Variants in KCNQ1 observed in about 807,000 individuals in gnomAD.
The protein encoded by KCNQ1 is potassium voltage-gated channel subfamily KQT member 1.
Under a neutral mutation model 72.4 loss-of-function variants are expected in KCNQ1, and 49 were observed. That is an observed-to-expected ratio of 0.68 (90% confidence interval 0.54 to 0.86). The LOEUF (loss-of-function observed/expected upper bound fraction) is 0.86, where lower values mean the gene tolerates loss of function less well. KCNQ1 is among the 40% of genes least tolerant of loss of function. The pLI is 0.00. For synonymous variants in KCNQ1, 450 were observed against 412.6 expected, an observed-to-expected ratio of 1.09 and a Z score of -1.10; for missense variants, 790 against 945.1, an observed-to-expected ratio of 0.84 and a Z score of 2.15.
At chr11:2,460,922 T>G (rs1846268459) in intron 1 of KCNQ1, among the ~76,000 whole-genome samples, 1 of 152,204 alleles carries the variant, frequency 6.6e-6, no homozygotes, top group South Asian at 2.1e-4. Flanking sequence ...CGGTCTTGTC[T>G]GCTGCATGGG....
rs953974306 is a variant in KCNQ1, at chr11:2,762,686, G to T, written c.1515-6158G>T. ...AGATCAGTGGTGGCATTAGATTCTC[G>T]CAGGAGCGCGAACCCTGTTGTGAAT... is the stretch of plus-strand genomic sequence containing the variant. On this transcript the variant is annotated intron_variant, in intron 11 of 15. Transcript: ENST00000155840. The surrounding 1 kb of genome is among the most constrained non-coding windows in gnomAD (Gnocchi z 4.3). Among the ~76,000 whole-genome samples the T allele has an allele frequency of 2.0e-5, 3 of 152,210 alleles. No individual in the cohort carries two copies. Among genetic ancestry groups the T allele is most frequent in the Non-Finnish European group, 2.9e-5 (2 of 68,040 alleles).
At chr11:2,694,327 G>A (rs1477843742) in intron 11 of KCNQ1, 2 of 398,656 alleles carry the variant, frequency 5.0e-6, no homozygotes, top group Admixed American at 4.4e-5. Context: ...TGTCATCTGC[G>A]GTGCCCCCCA....
At chr11:2,810,952 G>A (rs1176313989) in intron 15 of KCNQ1, among the ~76,000 whole-genome samples, 3 of 152,322 alleles carry the variant, frequency 2.0e-5, no homozygotes, top group Non-Finnish European at 2.9e-5. Flanking sequence ...CCTTCCCATC[G>A]TCTTGGTGCT....
chr11:2,780,475 G>T (rs1021112541), intron 15 of KCNQ1, among the ~76,000 whole-genome samples: 3 of 152,212 alleles, frequency 2.0e-5, no homozygotes, highest in Non-Finnish European at 4.4e-5. Context: ...ACCCCAGCCA[G>T]AGCCCCTGGC....
In KCNQ1 at chr11:2,602,655, A is replaced by G. The variant is rs1305047587; in HGVS notation, c.1393+13801A>G. ...GTAGTGAGATCTCATTGTGGTTTAC[A>G]TTTACATTTCCTCATTAGGATGATA... On this transcript the variant is annotated intron_variant, in intron 10 of 15. Coordinates refer to ENST00000155840, the MANE Select transcript of KCNQ1 (RefSeq NM_000218.3). The surrounding 1 kb of genome is among the most constrained non-coding windows in gnomAD (Gnocchi z 4.8). Among the ~76,000 whole-genome samples the G allele has an allele frequency of 6.6e-6, 1 of 152,118 alleles. No homozygotes were observed. Among genetic ancestry groups the G allele is most frequent in the African/African-American group, 2.4e-5 (1 of 41,418 alleles).
At chr11:2,675,571 A>G in intron 11 of KCNQ1, 1 of 398,674 alleles carries the variant, frequency 2.5e-6, no homozygotes. Context: ...CATACGTAAC[A>G]GTTTCACTTC....
In KCNQ1 at chr11:2,657,728, T is replaced by A. The variant is rs1849875337; in HGVS notation, c.1394-4233T>A. ...GGATCGATCATTACATTTATTGTCA[T>A]CTCTGATCGGTGACGGGCTTCTCAG... On this transcript the variant is annotated intron_variant, in intron 10 of 15. Transcript: ENST00000155840. The surrounding 1 kb of genome is among the most constrained non-coding windows in gnomAD (Gnocchi z 4.8). 5.0e-6 allele frequency: 2 copies of A among 398,534 alleles called. No homozygotes were observed. The highest frequency in any genetic ancestry group is 8.8e-6 in the Non-Finnish European group (2 of 226,074). 24.7% of individuals were successfully genotyped at this position (398,534 alleles called of 1,614,324 possible). A position where few individuals can be genotyped will look rare whatever the true frequency, so the allele number is the denominator to read the frequency against.
At chr11:2,751,380 C>T (rs1311466707) in intron 11 of KCNQ1, among the ~76,000 whole-genome samples, 7 of 152,224 alleles carry the variant, frequency 4.6e-5, no homozygotes, top group African/African-American at 7.2e-5. Context: ...GGTGGGCTCC[C>T]GGAAGGGGGC....
chr11:2,516,536 G>T lies in KCNQ1; in HGVS notation c.387-11392G>T. ...GGAGCTGGACCTTCCCAATTCGGTT[G>T]CCCTTGCTTGATGTTTACATGCCAC... On this transcript the variant is annotated intron_variant, in intron 1 of 15. Transcript: ENST00000155840. This position sits in a 1 kb window ranked among gnomAD's most constrained non-coding sequence, Gnocchi z 7.0. Among the ~76,000 whole-genome samples the T allele has an allele frequency of 6.6e-6, 1 of 152,118 alleles. No individual in the cohort carries two copies. The highest frequency in any genetic ancestry group is 1.9e-4 in the East Asian group (1 of 5,176).
intron 10 of KCNQ1, chr11:2,640,403 G>T: frequency 2.5e-6 from 1 of 398,428 alleles, no homozygotes; most frequent in Non-Finnish European, 4.4e-6. Context: ...CTCCATCCTT[G>T]ACCCCTCAAG....
Position 2,734,469 on chromosome 11 carries a change from C to T in KCNQ1, c.1515-34375C>T, listed in dbSNP as rs1028868066. ...GCCAGCTGTGCTGGGCAAGGCAGGA[C>T]GGGATCCTTGGTGATGGGCAGAATG... On this transcript the variant is annotated intron_variant, in intron 11 of 15. Transcript: ENST00000155840. The surrounding 1 kb of genome is among the most constrained non-coding windows in gnomAD (Gnocchi z 7.0). 6.6e-6 allele frequency among the ~76,000 whole-genome samples: 1 copy of T among 152,156 alleles called. No homozygotes were observed. The highest frequency in any genetic ancestry group is 1.5e-5 in the Non-Finnish European group (1 of 68,030).
At position 2,654,729 on chromosome 11, in the gene KCNQ1, T is replaced by C. The variant is rs542981246; in HGVS notation, c.1394-7232T>C. The C allele has an allele frequency of 5.0e-6, 2 of 398,102 alleles. No homozygotes were observed. The highest frequency in any genetic ancestry group is 8.8e-5 in the Admixed American group (2 of 22,704). 24.7% of individuals were successfully genotyped at this position (398,102 alleles called of 1,614,324 possible). On this transcript the variant is annotated intron_variant, in intron 10 of 15. Coordinates refer to ENST00000155840, the MANE Select transcript of KCNQ1 (RefSeq NM_000218.3). This position sits in a 1 kb window ranked among gnomAD's most constrained non-coding sequence, Gnocchi z 6.4. The stretch of plus-strand genomic sequence containing the variant: ...TTGGGGCTTGAATGCTGACCTAATC[T>C]GGGCAGGGAGGGGTCTGGGGCTCGA...
chr11:2,584,116 C>T (rs552765837), intron 7 of KCNQ1, among the ~76,000 whole-genome samples: 10 of 152,086 alleles, frequency 6.6e-5, no homozygotes, highest in East Asian at 5.8e-4. Flanking sequence ...TGTATGTGTG[C>T]GTGCATACTG....
At chr11:2,535,487 G>A (rs1190434195) in intron 2 of KCNQ1, among the ~76,000 whole-genome samples, 3 of 152,226 alleles carry the variant, frequency 2.0e-5, no homozygotes, top group African/African-American at 7.2e-5. Context: ...GCTCTCCGGA[G>A]CCCAGTGTTG....
chr11:2,779,715 A>G (rs1318533354), intron 15 of KCNQ1, among the ~76,000 whole-genome samples: 1 of 152,180 alleles, frequency 6.6e-6, no homozygotes, highest in Non-Finnish European at 1.5e-5. Flanking sequence ...GGTGGCAGAC[A>G]GGGCCTCCTG....
chr11:2,510,143 C>G (rs988816690), intron 1 of KCNQ1, among the ~76,000 whole-genome samples: 7 of 151,684 alleles, frequency 4.6e-5, no homozygotes, highest in African/African-American at 1.7e-4. Context: ...GCTGGGTGTG[C>G]TGGCACATAC....
rs1387489283 is a variant in KCNQ1, at chr11:2,787,523, C to A, written c.1794+9486C>A. The stretch of plus-strand genomic sequence containing the variant: ...GCTCATCCATGCTAGCCACAGATAT[C>A]ATTTTAAATTTTCTAATAGCCACTT... On this transcript the variant is annotated intron_variant, in intron 15 of 15. Transcript: ENST00000155840. The surrounding 1 kb of genome is among the most constrained non-coding windows in gnomAD (Gnocchi z 6.3). Among the ~76,000 whole-genome samples the A allele has an allele frequency of 6.6e-6, 1 of 152,110 alleles. No individual in the cohort carries two copies. The highest frequency in any genetic ancestry group is 1.9e-4 in the East Asian group (1 of 5,208).
chr11:2,448,938 G>A (rs1846082286), intron 1 of KCNQ1, among the ~76,000 whole-genome samples: 1 of 152,224 alleles, frequency 6.6e-6, no homozygotes, highest in African/African-American at 2.4e-5. Context: ...CAGCTGGGGA[G>A]GGGGTAGTCC....
intron 10 of KCNQ1, among the ~76,000 whole-genome samples, chr11:2,591,987 C>T (rs796894611): frequency 4.6e-5 from 7 of 152,368 alleles, no homozygotes; most frequent in African/African-American, 1.4e-4. Flanking sequence ...GGGGAAGCCC[C>T]ACAGCCCCAC....
Sources: allele counts gnomAD v4.1 joint callset (sites outside exome capture counted in the v4.1 genomes callset), GRCh38; gene constraint gnomAD v4.1.1; non-coding constraint Gnocchi (gnomAD v3.1); transcripts MANE v1.5; gene names NCBI Gene and HGNC (gene_info 2026-07-23, HGNC 2026-07-21).